The following ITGBL1 variants were observed in gnomAD, a reference collection of about 807,000 sequenced individuals.
ITGBL1 encodes integrin beta-like protein 1.
Under a neutral mutation model 68.5 loss-of-function variants are expected in ITGBL1, and 51 were observed. The ratio of observed to expected loss-of-function variants is 0.74; its 90% CI spans 0.59 to 0.94. The LOEUF is 0.94. Among genes scored for constraint, ITGBL1 ranks in the 40% least tolerant of loss-of-function variants. The pLI, the probability that ITGBL1 is intolerant of heterozygous loss-of-function variation, is 0.00. For missense variants in ITGBL1, 649 were observed against 647.4 expected (o/e 1.00, Z -0.03); for synonymous variants, 209 against 227.3 (o/e 0.92, Z 0.72).
downstream of ITGBL1, chr13:101,720,100 A>G (rs1209543693): frequency 6.6e-6 from 1 of 152,126 alleles, no homozygotes; most frequent in African/African-American, 2.4e-5. Flanking sequence ...TTGTGAATTT[A>G]ACAAATGATA....
intron 2 of ITGBL1, among the ~76,000 whole-genome samples, chr13:101,521,351 A>G (rs1268048482): frequency 6.6e-6 from 1 of 152,220 alleles, no homozygotes; most frequent in Non-Finnish European, 1.5e-5. Flanking sequence ...GAAAATAAGT[A>G]AAAAATAAAG....
At chr13:101,649,046 A>G (rs2139447633) in intron 7 of ITGBL1, among the ~76,000 whole-genome samples, 1 of 152,314 alleles carries the variant, frequency 6.6e-6, no homozygotes, top group South Asian at 2.1e-4. Flanking sequence ...CATAATTAAA[A>G]TTATGATTAA....
At chr13:101,541,449 G>A (rs1246449624) in intron 2 of ITGBL1, among the ~76,000 whole-genome samples, 3 of 152,106 alleles carry the variant, frequency 2.0e-5, no homozygotes, top group Admixed American at 2.0e-4. Context: ...GCTGGATTTG[G>A]TTTGCCAGTA....
In ITGBL1 at chr13:101,598,167, A is replaced by C. The variant is rs1363103119; in HGVS notation, c.883A>C (p.Asn295His). 1 of 1,613,140 alleles carries C rather than the reference A, an allele frequency of 6.2e-7. No individual in the cohort carries two copies. The highest frequency in any genetic ancestry group is 8.5e-7 in the Non-Finnish European group (1 of 1,179,646). ...TCACTGTGAAGGTCATGGACAGTGT[A>C]ATTGCGGAAGATGTGACTGCAAAGC... ...DDFCSGHGQC[N>H]CGRCDCKAGW... Residue 295 changes from asparagine to histidine, a missense_variant, in exon 7 of 11, where the codon AAT becomes CAT. Asn to His is a moderately conservative substitution (Grantham distance 68). Transcript: ENST00000376180.
chr13:101,541,277 T>G (rs1461591038), intron 2 of ITGBL1, among the ~76,000 whole-genome samples: 1 of 152,032 alleles, frequency 6.6e-6, no homozygotes, highest in Non-Finnish European at 1.5e-5. Flanking sequence ...TTGTTGAATT[T>G]TGTCAAAGGC....
intron 2 of ITGBL1, among the ~76,000 whole-genome samples, chr13:101,497,854 T>C (rs1472407505): frequency 1.4e-5 from 2 of 139,384 alleles, no homozygotes; most frequent in African/African-American, 5.1e-5. Context: ...GTAATTAAGC[T>C]GATAATTTTT....
chr13:101,692,555 A>C (rs571972592), intron 7 of ITGBL1, 30 bp from the exon 8 acceptor site: 6 of 1,461,848 alleles, frequency 4.1e-6, no homozygotes, highest in Middle Eastern at 1.7e-4. Flanking sequence ...GACTCTCCTC[A>C]TAAGTGTGCA....
chr13:101,687,503 T>G (rs1449650262), intron 7 of ITGBL1, among the ~76,000 whole-genome samples: 1 of 152,018 alleles, frequency 6.6e-6, no homozygotes, highest in Admixed American at 6.6e-5. Context: ...TGTCTATATT[T>G]TACACAAGTT....
chr13:101,480,129 T>C (rs2048596782), intron 2 of ITGBL1, among the ~76,000 whole-genome samples: 1 of 151,378 alleles, frequency 6.6e-6, no homozygotes, highest in South Asian at 2.1e-4. Flanking sequence ...TGGAGTACTA[T>C]TCAGCCATAA....
chr13:101,533,748 A>G (rs2049522536), intron 2 of ITGBL1, among the ~76,000 whole-genome samples: 1 of 103,030 alleles, frequency 9.7e-6, no homozygotes, highest in Non-Finnish European at 2.0e-5. Context: ...CTGAAGTACA[A>G]TAAAAGAGTT....
intron 7 of ITGBL1, among the ~76,000 whole-genome samples, chr13:101,652,790 A>T (rs1331917462): frequency 6.6e-6 from 1 of 152,120 alleles, no homozygotes; most frequent in Admixed American, 6.5e-5. Flanking sequence ...CAATATAGTG[A>T]TCATCACAGA....
At chr13:101,503,799 A>T (rs1207675370) in intron 2 of ITGBL1, among the ~76,000 whole-genome samples, 1 of 152,198 alleles carries the variant, frequency 6.6e-6, no homozygotes. Flanking sequence ...GTTAAGGATG[A>T]TGGACTAGAT....
intron 7 of ITGBL1, among the ~76,000 whole-genome samples, chr13:101,606,579 C>T (rs2030871831): frequency 7.5e-6 from 1 of 133,846 alleles, no homozygotes; most frequent in Non-Finnish European, 1.6e-5. Flanking sequence ...TATCGATGTT[C>T]TCCTGAGCAT....
chr13:101,458,059 G>A (rs2048268201), intron 2 of ITGBL1, among the ~76,000 whole-genome samples: 1 of 152,130 alleles, frequency 6.6e-6, no homozygotes, highest in African/African-American at 2.4e-5. Flanking sequence ...ATGAAGCACT[G>A]CATATTTTCT....
intron 2 of ITGBL1, among the ~76,000 whole-genome samples, chr13:101,459,320 T>C (rs2048286686): frequency 6.6e-6 from 1 of 152,252 alleles, no homozygotes; most frequent in Non-Finnish European, 1.5e-5. Flanking sequence ...TGCCTTTTTC[T>C]GTAACAGTAT....
chr13:101,570,834 A>G (rs1190012332), intron 3 of ITGBL1, among the ~76,000 whole-genome samples: 1 of 152,214 alleles, frequency 6.6e-6, no homozygotes, highest in African/African-American at 2.4e-5. Flanking sequence ...GACATTTATA[A>G]GAAATAACTT....
At chr13:101,605,351 CAT>C (rs2030715124) in intron 7 of ITGBL1, among the ~76,000 whole-genome samples, 1 of 147,252 alleles carries the variant, frequency 6.8e-6, no homozygotes, top group African/African-American at 2.5e-5. Context: ...CATATCTAGA[CAT>C]GTATGTGTGC....
At chr13:101,692,549 C>G in intron 7 of ITGBL1, 36 bp from the exon 8 acceptor site, 1 of 1,400,370 alleles carries the variant, frequency 7.1e-7, no homozygotes, top group Non-Finnish European at 1.0e-6. Flanking sequence ...TTCCGGGACT[C>G]TCCTCATAAG....
intron 7 of ITGBL1, among the ~76,000 whole-genome samples, chr13:101,613,140 C>G (rs924370126): frequency 6.6e-6 from 1 of 152,170 alleles, no homozygotes; most frequent in Non-Finnish European, 1.5e-5. Context: ...GCTGTTTACT[C>G]TGAAATGTTG....
Sources: gnomAD v4.1 joint callset for allele counts (sites outside exome capture counted in the v4.1 genomes callset) on GRCh38, gnomAD v4.1.1 for gene constraint, MANE v1.5 for transcripts, NCBI Gene and HGNC (gene_info 2026-07-23, HGNC 2026-07-21) for gene names.